Variants in PTPRO observed in about 807,000 individuals in gnomAD.
PTPRO encodes the protein protein tyrosine phosphatase receptor type O.
In PTPRO, 62 loss-of-function variants were observed where a neutral mutation model predicts 145.2. The ratio of observed to expected loss-of-function variants is 0.43; its 90% confidence interval spans 0.35 to 0.53. The LOEUF (loss-of-function observed/expected upper bound fraction) is 0.53, where lower values mean the gene tolerates loss of function less well. Among genes scored for constraint, PTPRO ranks in the 20% least tolerant of loss-of-function variants. The pLI is 0.01. For synonymous variants in PTPRO, 565 were observed against 514.7 expected, an observed-to-expected ratio of 1.10 and a Z score of -1.32; for missense variants, 1,345 against 1,482.7, an observed-to-expected ratio of 0.91 and a Z score of 1.53.
chr12:15,576,596 A>G (rs1379977669), intron 19 of PTPRO, among the ~76,000 whole-genome samples: 1 of 152,264 alleles, frequency 6.6e-6, no homozygotes, highest in Non-Finnish European at 1.5e-5. Context: ...GTCTGCTGGC[A>G]TAAATGGCAG....
chr12:15,328,058 G>C (rs1303420767), intron 1 of PTPRO, among the ~76,000 whole-genome samples: 3 of 151,252 alleles, frequency 2.0e-5, no homozygotes, highest in Admixed American at 1.3e-4. Flanking sequence ...AGGTTGCAGT[G>C]AGCAAAGATC....
intron 1 of PTPRO, among the ~76,000 whole-genome samples, chr12:15,324,593 G>T (rs1866393778): frequency 6.6e-6 from 1 of 152,106 alleles, no homozygotes; most frequent in Non-Finnish European, 1.5e-5. Flanking sequence ...GGCAAAGTTT[G>T]CCATTTAAAT....
chr12:15,510,376 C>T (rs1019054927), intron 7 of PTPRO, among the ~76,000 whole-genome samples: 1 of 152,144 alleles, frequency 6.6e-6, no homozygotes, highest in Non-Finnish European at 1.5e-5. Flanking sequence ...AGATGACTGA[C>T]TCATTACATT....
intron 2 of PTPRO, among the ~76,000 whole-genome samples, chr12:15,487,978 C>T (rs1011263711): frequency 6.6e-6 from 1 of 152,156 alleles, no homozygotes; most frequent in African/African-American, 2.4e-5. Context: ...TATCCTCTTC[C>T]TGCTGTGCTT....
chr12:15,591,116 C>T (rs532360180), intron 25 of PTPRO, among the ~76,000 whole-genome samples: 20 of 152,154 alleles, frequency 1.3e-4, no homozygotes, highest in Non-Finnish European at 2.8e-4. Context: ...CAGCTGTAAT[C>T]CCAGCACTTT....
intron 1 of PTPRO, among the ~76,000 whole-genome samples, chr12:15,470,933 T>C (rs1941525509): frequency 1.3e-5 from 2 of 152,252 alleles, no homozygotes; most frequent in South Asian, 4.2e-4. Flanking sequence ...TTTGTTGTAA[T>C]TGTGCTTTTT....
In PTPRO at chr12:15,484,234, C is replaced by T. The variant is rs1860806268; in HGVS notation, c.336C>T (p.Ile112=). 5.6e-6 allele frequency: 9 copies of T among 1,613,324 alleles called. No individual in the cohort carries two copies. Among genetic ancestry groups the T allele is most frequent in the Non-Finnish European group, 7.6e-6 (9 of 1,179,572 alleles). The stretch of plus-strand genomic sequence containing the variant: ...TGGTGACCAAGCCATCCAGATCAAT[C>T]ACTGTGTTAACAAGTAAGCATCATG... The part of the protein sequence containing the change: ...GNVVTKPSRS[I]TVLTKPLPVT... Residue 112 remains isoleucine (I), a synonymous_variant, in exon 2 of 27, where the codon ATC becomes ATT. Transcript: ENST00000281171.
chr12:15,415,894 A>G (rs1939957553), intron 1 of PTPRO, among the ~76,000 whole-genome samples: 3 of 151,794 alleles, frequency 2.0e-5, no homozygotes, highest in Admixed American at 2.0e-4. Context: ...CCAAAATTAT[A>G]ATCAACAGGT....
chr12:15,583,814 T>C (rs1944374437), intron 23 of PTPRO, among the ~76,000 whole-genome samples: 1 of 152,244 alleles, frequency 6.6e-6, no homozygotes, highest in Admixed American at 6.5e-5. Context: ...GATTGATCTC[T>C]ACAGGAGATA....
intron 2 of PTPRO, among the ~76,000 whole-genome samples, chr12:15,496,388 C>T (rs533769156): frequency 6.6e-6 from 1 of 152,060 alleles, no homozygotes; most frequent in African/African-American, 2.4e-5. Context: ...GTGATCCACC[C>T]GCCTTGACCT....
At chr12:15,547,861 A>G (rs1437467287) in intron 13 of PTPRO, among the ~76,000 whole-genome samples, 1 of 152,176 alleles carries the variant, frequency 6.6e-6, no homozygotes, top group Non-Finnish European at 1.5e-5. Flanking sequence ...TCATTTCTTT[A>G]TGCAAGGGTG....
At chr12:15,335,690 AT>A (rs776488700) in intron 1 of PTPRO, among the ~76,000 whole-genome samples, 17 of 151,566 alleles carry the variant, frequency 1.1e-4, no homozygotes, top group African/African-American at 3.9e-4. Context: ...AGGTTTTGTT[AT>A]TTTTTTTTAA....
intron 12 of PTPRO, among the ~76,000 whole-genome samples, chr12:15,538,742 CCA>C (rs1943118251): frequency 1.3e-5 from 2 of 152,286 alleles, no homozygotes; most frequent in East Asian, 3.9e-4. Context: ...CTGGTCATCC[CCA>C]CTTATATGCA....
intron 12 of PTPRO, among the ~76,000 whole-genome samples, chr12:15,536,839 T>A (rs1166442256): frequency 6.6e-6 from 1 of 152,204 alleles, no homozygotes; most frequent in Non-Finnish European, 1.5e-5. Context: ...ACATTTTTGA[T>A]AAATTACATG....
intron 1 of PTPRO, among the ~76,000 whole-genome samples, chr12:15,404,138 G>A (rs1036165555): frequency 1.5e-5 from 2 of 134,798 alleles, no homozygotes; most frequent in Admixed American, 8.3e-5. Flanking sequence ...GCAGTGAGCC[G>A]AGATCTCGCC....
At chr12:15,595,188 C>T in intron 26 of PTPRO, 131 bp downstream of exon 26, 1 of 700,596 alleles carries the variant, frequency 1.4e-6, no homozygotes, top group Admixed American at 2.0e-5. Flanking sequence ...CTTCCCAGCT[C>T]CTGGCCTCAC....
chr12:15,561,745 T>C (rs1047970905), intron 17 of PTPRO, among the ~76,000 whole-genome samples: 76 of 152,268 alleles, frequency 5.0e-4, no homozygotes, highest in Non-Finnish European at 2.4e-4. Flanking sequence ...TGCCTACCAT[T>C]AAAATACTAA....
chr12:15,473,281 C>G (rs1258992246), intron 1 of PTPRO, among the ~76,000 whole-genome samples: 1 of 152,124 alleles, frequency 6.6e-6, no homozygotes, highest in Non-Finnish European at 1.5e-5. Flanking sequence ...GTTCCAGTAC[C>G]CATCTTACTC....
intron 2 of PTPRO, among the ~76,000 whole-genome samples, chr12:15,492,823 G>C (rs1304902892): frequency 6.6e-6 from 1 of 152,050 alleles, no homozygotes; most frequent in Non-Finnish European, 1.5e-5. Context: ...CACAGGCATG[G>C]AAGTGGGAGA....
Sources: gnomAD v4.1 joint callset for allele counts (sites outside exome capture counted in the v4.1 genomes callset) on GRCh38, gnomAD v4.1.1 for gene constraint, MANE v1.5 for transcripts, NCBI Gene and HGNC (gene_info 2026-07-23, HGNC 2026-07-21) for gene names.